Variants in OLFM3 observed in about 807,000 individuals in gnomAD.
OLFM3 encodes noelin-3.
A neutral mutation model predicts 48.6 loss-of-function variants in OLFM3; 20 were observed. The ratio of observed to expected loss-of-function variants is 0.41; its 90% confidence interval spans 0.29 to 0.60. The LOEUF (loss-of-function observed/expected upper bound fraction) is 0.60. Ranked by LOEUF, OLFM3 falls within the 20% of genes least tolerant of loss-of-function variation. The pLI is 0.28. For synonymous variants in OLFM3, 222 were observed against 198.1 expected (o/e 1.12, Z -1.01); for missense variants, 437 against 544.3 (o/e 0.80, Z 1.96).
At chr1:101,909,591 T>C (rs1271624863) in intron 1 of OLFM3, among the ~76,000 whole-genome samples, 2 of 152,202 alleles carry the variant, frequency 1.3e-5, no homozygotes, top group Non-Finnish European at 2.9e-5. Flanking sequence ...TAATCTTCAT[T>C]TGAAACTCTC....
intron 1 of OLFM3, among the ~76,000 whole-genome samples, chr1:101,865,259 A>G (rs547679431): frequency 1.3e-5 from 2 of 152,078 alleles, no homozygotes; most frequent in African/African-American, 4.8e-5. Context: ...GCCCTGGCCA[A>G]TCCTTAAAAT....
intron 1 of OLFM3, among the ~76,000 whole-genome samples, chr1:101,858,792 A>G (rs1656529795): frequency 6.6e-6 from 1 of 152,080 alleles, no homozygotes; most frequent in South Asian, 2.1e-4. Flanking sequence ...CTCCCCAGCC[A>G]TGCTTCCTGT....
At chr1:101,982,246 G>A (rs1360569891) in intron 1 of OLFM3, among the ~76,000 whole-genome samples, 1 of 152,070 alleles carries the variant, frequency 6.6e-6, no homozygotes. Context: ...GATTATCATA[G>A]GGTCCAATCA....
At chr1:101,857,578 C>T (rs1656477307) in intron 1 of OLFM3, among the ~76,000 whole-genome samples, 1 of 151,814 alleles carries the variant, frequency 6.6e-6, no homozygotes, top group African/African-American at 2.4e-5. Context: ...TCCACCCGCT[C>T]CCCATGCTCT....
At position 101,804,055 on chromosome 1, in the gene OLFM3, A is replaced by C. The variant is rs1431681337; in HGVS notation, c.*183T>G. 2 of 487,274 alleles carry C rather than the reference A, an allele frequency of 4.1e-6. No individual in the cohort carries two copies. Among genetic ancestry groups the C allele is most frequent in the Non-Finnish European group, 7.2e-6 (2 of 279,202 alleles). The allele number at this position is 487,274 out of a possible 1,614,324, so 30.2% of individuals were successfully genotyped here. On this transcript the variant is annotated 3_prime_UTR_variant, in exon 6 of 6. Transcript: ENST00000370103. The surrounding 1 kb of genome is among the most constrained non-coding windows in gnomAD (Gnocchi z 4.5). ...AGGCCTTGTAAATTTAGAAGTTAAG[A>C]TGTGTTTCCAACATGGTAAGTTAGA...
At chr1:101,824,760 G>A (rs1046641972) in intron 4 of OLFM3, among the ~76,000 whole-genome samples, 1 of 152,118 alleles carries the variant, frequency 6.6e-6, no homozygotes, top group Non-Finnish European at 1.5e-5. Flanking sequence ...ATCCACTAGT[G>A]TAGTCCATAG....
chr1:101,815,715 TG>T (rs1654306179), intron 4 of OLFM3, among the ~76,000 whole-genome samples: 1 of 152,164 alleles, frequency 6.6e-6, no homozygotes, highest in Admixed American at 6.5e-5. Flanking sequence ...GGAATGGGTT[TG>T]GGAGCAAAAA....
At chr1:101,941,680 A>G (rs1659800011) in intron 1 of OLFM3, among the ~76,000 whole-genome samples, 1 of 152,334 alleles carries the variant, frequency 6.6e-6, no homozygotes, top group East Asian at 1.9e-4. Flanking sequence ...CATTTCAGAA[A>G]TTATAATCAG....
chr1:101,865,686 A>G (rs973259473), intron 1 of OLFM3, among the ~76,000 whole-genome samples: 7 of 152,186 alleles, frequency 4.6e-5, no homozygotes, highest in Non-Finnish European at 1.0e-4. Flanking sequence ...TAGCCCCAGA[A>G]AGTCACAGCC....
chr1:101,922,274 C>T (rs554434162), intron 1 of OLFM3, among the ~76,000 whole-genome samples: 2 of 152,264 alleles, frequency 1.3e-5, no homozygotes, highest in African/African-American at 4.8e-5. Flanking sequence ...TTAGTTAATA[C>T]ATGTAAAGCG....
intron 1 of OLFM3, among the ~76,000 whole-genome samples, chr1:101,941,315 C>T (rs572998390): frequency 2.6e-5 from 4 of 152,212 alleles, no homozygotes; most frequent in Admixed American, 1.3e-4. Flanking sequence ...TAATGGCAGT[C>T]GTGGCTCAGG....
chr1:101,894,420 C>T (rs72729689), intron 1 of OLFM3, among the ~76,000 whole-genome samples: 24,401 of 152,018 alleles, frequency 0.16, 2,478 homozygotes, highest in Middle Eastern at 0.24. Flanking sequence ...TAAATATATA[C>T]TGAGATTCAT....
chr1:101,820,676 A>G (rs1051126521), intron 4 of OLFM3, among the ~76,000 whole-genome samples: 2 of 152,036 alleles, frequency 1.3e-5, no homozygotes, highest in African/African-American at 2.4e-5. Context: ...TTGATGACTT[A>G]TGATTCCTTC....
chr1:101,854,479 G>T (rs1656340681), intron 1 of OLFM3, among the ~76,000 whole-genome samples: 2 of 152,070 alleles, frequency 1.3e-5, no homozygotes, highest in Admixed American at 1.3e-4. Flanking sequence ...CTACTTCAAA[G>T]GAGAAAAAAT....
chr1:101,871,433 A>G (rs1657080468), intron 1 of OLFM3, among the ~76,000 whole-genome samples: 1 of 152,170 alleles, frequency 6.6e-6, no homozygotes, highest in Non-Finnish European at 1.5e-5. Context: ...TTACTTTACT[A>G]GTTAATTTAC....
intron 1 of OLFM3, among the ~76,000 whole-genome samples, chr1:101,923,398 C>T (rs1190690590): frequency 2.0e-5 from 3 of 152,120 alleles, no homozygotes; most frequent in South Asian, 2.1e-4. Flanking sequence ...TTTTAACTTA[C>T]ATTTTTGCAC....
intron 4 of OLFM3, among the ~76,000 whole-genome samples, chr1:101,824,159 A>G (rs974699734): frequency 6.6e-6 from 1 of 151,986 alleles, no homozygotes; most frequent in East Asian, 1.9e-4. Flanking sequence ...CCTGATCCAC[A>G]AAAGAATTTA....
chr1:101,887,863 C>T lies in OLFM3; in HGVS notation c.70-50838G>A, dbSNP rs1343167233. Among the ~76,000 whole-genome samples the T allele has an allele frequency of 2.6e-5, 4 of 151,532 alleles. No individual in the cohort carries two copies. In the South Asian group the frequency reaches 8.3e-4, roughly 31 times the overall value. On this transcript the variant is annotated intron_variant, in intron 1 of 5. Transcript: ENST00000370103. ...CATCAGTATATGTGGATATATATCT[C>T]ATGCTTACATTTGCATTGTTTGAAA... is the stretch of plus-strand genomic sequence containing the variant.
At chr1:101,861,229 T>C (rs774301321) in intron 1 of OLFM3, among the ~76,000 whole-genome samples, 2 of 151,850 alleles carry the variant, frequency 1.3e-5, no homozygotes, top group Non-Finnish European at 2.9e-5. Context: ...ACCTGGACAA[T>C]TTTTGTATTT....
Sources: allele counts gnomAD v4.1 joint callset (sites outside exome capture counted in the v4.1 genomes callset), GRCh38; gene constraint gnomAD v4.1.1; non-coding constraint Gnocchi (gnomAD v3.1); transcripts MANE v1.5; gene names NCBI Gene and HGNC (gene_info 2026-07-23, HGNC 2026-07-21).